The following NARS2 variants were observed in gnomAD, a reference collection of about 807,000 sequenced individuals.
NARS2 encodes the protein asparaginyl-tRNA synthetase 2, mitochondrial, also known as asparaginyl-tRNA synthetase.
NARS2 carries 60 observed loss-of-function variants against 62.9 expected under a neutral mutation model. The observed-to-expected ratio is 0.95, with a 90% CI of 0.77 to 1.18. The LOEUF (loss-of-function observed/expected upper bound fraction) is 1.18. Ranked by LOEUF, NARS2 falls within the 50% of genes most tolerant of loss-of-function variation. The probability of loss-of-function intolerance (pLI) is 0.00; values close to 1 mark genes in which losing one functional copy is unlikely to be tolerated. For synonymous variants in NARS2, 196 were observed against 200.0 expected (o/e 0.98, Z 0.17); for missense variants, 619 against 576.4 (o/e 1.07, Z -0.76).
intron 5 of NARS2, 106 bp from the exon 6 acceptor site, chr11:78,529,042 G>A (rs909772382): frequency 2.5e-5 from 18 of 723,914 alleles, no homozygotes; most frequent in African/African-American, 2.5e-4. Flanking sequence ...TTAAATCTAT[G>A]TGAAGGCAGG....
chr11:78,548,804 T>A (rs1342471289), intron 5 of NARS2, among the ~76,000 whole-genome samples: 1 of 152,214 alleles, frequency 6.6e-6, no homozygotes, highest in East Asian at 1.9e-4. Flanking sequence ...AAAAAAATTT[T>A]TTTTTAATCC....
chr11:78,473,361 C>A (rs1457086859), intron 9 of NARS2, among the ~76,000 whole-genome samples: 1 of 152,132 alleles, frequency 6.6e-6, no homozygotes, highest in Non-Finnish European at 1.5e-5. Context: ...CATTACTGTT[C>A]TTTGAACTTC....
chr11:78,450,510 C>T (rs1230160278), intron 11 of NARS2, among the ~76,000 whole-genome samples: 2 of 152,088 alleles, frequency 1.3e-5, no homozygotes, highest in Admixed American at 6.6e-5. Flanking sequence ...GTTTCCTTGA[C>T]AAGAGTGCAA....
At chr11:78,517,993 G>A (rs540874618) in intron 6 of NARS2, among the ~76,000 whole-genome samples, 1 of 152,286 alleles carries the variant, frequency 6.6e-6, no homozygotes, top group African/African-American at 2.4e-5. Context: ...TTTCCATGAA[G>A]TAAAAGGAAT....
chr11:78,565,552 C>CA (rs1438617305), intron 4 of NARS2, among the ~76,000 whole-genome samples: 2 of 152,218 alleles, frequency 1.3e-5, no homozygotes, highest in East Asian at 1.9e-4. Flanking sequence ...AGACACAACT[C>CA]AGAGTCTGGA....
chr11:78,570,933 G>A (rs978668698), intron 2 of NARS2, among the ~76,000 whole-genome samples: 31 of 152,244 alleles, frequency 2.0e-4, no homozygotes, highest in Non-Finnish European at 4.3e-4. Flanking sequence ...CAAAAAAGGG[G>A]TACCTGACAT....
intron 9 of NARS2, among the ~76,000 whole-genome samples, chr11:78,477,889 C>T (rs141262077): frequency 1.3e-5 from 2 of 152,224 alleles, no homozygotes; most frequent in East Asian, 3.9e-4. Flanking sequence ...TTACGTGAGC[C>T]AATTCTTTAG....
At chr11:78,542,486 T>G (rs11824374) in intron 5 of NARS2, among the ~76,000 whole-genome samples, 3,618 of 152,194 alleles carry the variant, frequency 0.024, 131 homozygotes, top group African/African-American at 0.082. Context: ...ATTGTCAGAT[T>G]GGGGCTTTAA....
chr11:78,461,661 T>A (rs1275943670), intron 11 of NARS2, among the ~76,000 whole-genome samples: 15 of 150,714 alleles, frequency 1.0e-4, no homozygotes, highest in Admixed American at 9.9e-4. Context: ...TTGTTCAGTT[T>A]TGTTTAGGAA....
chr11:78,544,657 G>T (rs1045105063), intron 5 of NARS2, among the ~76,000 whole-genome samples: 1 of 152,080 alleles, frequency 6.6e-6, no homozygotes, highest in African/African-American at 2.4e-5. Context: ...AGCCAGGCGC[G>T]GTGGTGGGTG....
At chr11:78,483,197 T>C (rs1041212424) in intron 7 of NARS2, among the ~76,000 whole-genome samples, 1 of 152,196 alleles carries the variant, frequency 6.6e-6, no homozygotes, top group Non-Finnish European at 1.5e-5. Context: ...CAGCCCTTCA[T>C]GCTGAAAACT....
chr11:78,459,273 TG>T lies in NARS2; in HGVS notation c.1164+6602del, dbSNP rs1270733797. ...TGTTTTTTTTTTGTTTTGTTTTGTT[TG>T]TTTTTTTTAAATTGAGACAGAGTTT... On this transcript the variant is annotated intron_variant, in intron 11 of 13. Transcript: ENST00000281038. Among the ~76,000 whole-genome samples, 8 of 150,104 alleles carry T rather than the reference TG, an allele frequency of 5.3e-5. 1 individual carries two copies. The highest frequency in any genetic ancestry group is 2.0e-4 in the African/African-American group (8 of 39,940).
Position 78,469,250 on chromosome 11 carries a change from TG to T in NARS2, c.1022del (p.Pro341GlnfsTer16). On this transcript the variant is annotated frameshift_variant, in exon 10 of 14. Transcript: ENST00000281038. LOFTEE classifies it high-confidence loss of function. The part of the protein sequence containing the change: ...KQASQNFTFT[P>X]EWGADLRTEH... ...ATACATACACACAAAATACTACCTC[TG>T]GGGTAAAGGTGAAGTTCTGGGATGC... 6.2e-7 allele frequency: 1 copy of T among 1,606,140 alleles called. No homozygotes were observed. The highest frequency in any genetic ancestry group is 1.1e-5 in the South Asian group (1 of 90,884).
At chr11:78,536,092 C>T (rs1029608950) in intron 5 of NARS2, among the ~76,000 whole-genome samples, 8 of 152,076 alleles carry the variant, frequency 5.3e-5, no homozygotes, top group Admixed American at 1.3e-4. Flanking sequence ...GTAGATATGA[C>T]GCATCCATAA....
chr11:78,546,351 T>G (rs1324599471), intron 5 of NARS2, among the ~76,000 whole-genome samples: 1 of 152,202 alleles, frequency 6.6e-6, no homozygotes, highest in Non-Finnish European at 1.5e-5. Context: ...CAAGGATATT[T>G]CATTTCCACC....
At position 78,459,204 on chromosome 11, in the gene NARS2, G is replaced by A. The variant is rs139905454; in HGVS notation, c.1164+6672C>T. ...TGCTGGGATTACAAGCATGAGCCACGGCGCCGGTCAATCTGATGATCTGAT... is the reference window on the plus strand; with the variant it reads ...TGCTGGGATTACAAGCATGAGCCACAGCGCCGGTCAATCTGATGATCTGAT... On this transcript the variant is annotated intron_variant, in intron 11 of 13. Coordinates refer to ENST00000281038, the MANE Select transcript of NARS2 (RefSeq NM_024678.6). Among the ~76,000 whole-genome samples the A allele has an allele frequency of 7.7e-5, 11 of 143,498 alleles. No homozygotes were observed. In the East Asian group the frequency reaches 2.3e-3, roughly 30 times the overall value. The allele number at this position is 143,498 out of a possible 152,430, so 94.1% of individuals were successfully genotyped here.
chr11:78,494,231 T>G (rs1859956541), intron 6 of NARS2, among the ~76,000 whole-genome samples: 1 of 152,206 alleles, frequency 6.6e-6, no homozygotes. Flanking sequence ...TCCCTCACAT[T>G]CAAACCAAGT....
intron 11 of NARS2, among the ~76,000 whole-genome samples, chr11:78,450,666 CTTTTTTTT>C (rs781420225): frequency 9.8e-6 from 1 of 101,566 alleles, no homozygotes; most frequent in African/African-American, 3.9e-5. Flanking sequence ...AAAGCCTTGT[CTTTTTTTT>C]TTTTTTTTTT....
chr11:78,457,087 C>T (rs114209011), intron 11 of NARS2, among the ~76,000 whole-genome samples: 2,452 of 152,284 alleles, frequency 0.016, 56 homozygotes, highest in African/African-American at 0.056. Flanking sequence ...TGAGGTGACA[C>T]AGGTAACTAG....
Sources: allele counts gnomAD v4.1 joint callset (sites outside exome capture counted in the v4.1 genomes callset), GRCh38; gene constraint gnomAD v4.1.1; transcripts MANE v1.5; gene names NCBI Gene and HGNC (gene_info 2026-07-23, HGNC 2026-07-21).